The following ARID1A variants were observed in gnomAD, a reference collection of about 807,000 sequenced individuals.
ARID1A encodes the protein AT-rich interaction domain 1A, also known as AT-rich interactive domain-containing protein 1A.
Under a neutral mutation model 212.6 loss-of-function variants are expected in ARID1A, and 20 were observed. The ratio of observed to expected loss-of-function variants is 0.09; its 90% CI spans 0.07 to 0.14. The LOEUF (loss-of-function observed/expected upper bound fraction) is 0.14. ARID1A is among the 10% of genes least tolerant of loss of function. The pLI, the probability that ARID1A is intolerant of heterozygous loss-of-function variation, is 1.00. For missense variants in ARID1A, 2,587 were observed against 3,059.0 expected, an observed-to-expected ratio of 0.85 and a Z score of 3.64; for synonymous variants, 1,376 against 1,222.1, an observed-to-expected ratio of 1.13 and a Z score of -2.63.
chr1:26,731,723 A>C, intron 3 of ARID1A, 119 bp downstream of exon 3: 1 of 1,091,492 alleles, frequency 9.2e-7, no homozygotes, highest in South Asian at 1.5e-5. Context: ...AGACCAATTA[A>C]ACTCTGGGTA....
At chr1:26,702,895 A>C (rs2080344688) in intron 1 of ARID1A, among the ~76,000 whole-genome samples, 1 of 152,160 alleles carries the variant, frequency 6.6e-6, no homozygotes, top group Non-Finnish European at 1.5e-5. Context: ...TGTCAATAGT[A>C]AGGTAAGTAT....
chr1:26,721,373 G>A (rs568405356), intron 1 of ARID1A, among the ~76,000 whole-genome samples: 1 of 152,096 alleles, frequency 6.6e-6, no homozygotes, highest in Non-Finnish European at 1.5e-5. Flanking sequence ...CATCACACCC[G>A]GCTAATATTT....
intron 4 of ARID1A, among the ~76,000 whole-genome samples, chr1:26,748,628 T>C (rs1015701037): frequency 7.0e-6 from 1 of 142,708 alleles, no homozygotes; most frequent in African/African-American, 2.6e-5. Context: ...TTTTTTTTTT[T>C]GTCAGATTTG....
chr1:26,771,278 G>T lies in ARID1A; in HGVS notation c.3358G>T (p.Ala1120Ser), dbSNP rs2081080765. Reference sequence around the variant, plus strand: ...AGACCCTCCCCCAGACATCTTTGCAGCTGCTGATTCCAAGAAGTCCCAGCC... The same window carrying T: ...AGACCCTCCCCCAGACATCTTTGCATCTGCTGATTCCAAGAAGTCCCAGCC... ...GEDPPPDIFAAADSKKSQPKI... is the reference protein window; with the variant it reads ...GEDPPPDIFASADSKKSQPKI... Residue 1120 changes from alanine (A) to serine (S), a missense_variant, in exon 12 of 20, where the codon GCT becomes TCT. By Grantham distance (99) the Ala-to-Ser change is moderately conservative. Coordinates refer to ENST00000324856, the MANE Select transcript of ARID1A (RefSeq NM_006015.6). The surrounding 1 kb of genome is among the most constrained non-coding windows in gnomAD (Gnocchi z 5.4). 1 of 1,614,180 alleles carries T rather than the reference G, an allele frequency of 6.2e-7. No homozygotes were observed. The highest frequency in any genetic ancestry group is 8.5e-7 in the Non-Finnish European group (1 of 1,180,046).
intron 1 of ARID1A, among the ~76,000 whole-genome samples, chr1:26,724,493 A>G (rs190619793): frequency 1.3e-5 from 2 of 152,252 alleles, no homozygotes; most frequent in Non-Finnish European, 2.9e-5. Context: ...TGTGAATGGT[A>G]TATCTCTGCT....
intron 1 of ARID1A, among the ~76,000 whole-genome samples, chr1:26,726,181 T>G (rs908367471): frequency 2.4e-4 from 36 of 148,604 alleles, no homozygotes; most frequent in African/African-American, 3.2e-4. Flanking sequence ...TTTGTTTTTT[T>G]TTTTTTTTTG....
chr1:26,719,489 C>T (rs1368969531), intron 1 of ARID1A, among the ~76,000 whole-genome samples: 1 of 152,164 alleles, frequency 6.6e-6, no homozygotes, highest in Non-Finnish European at 1.5e-5. Flanking sequence ...TGGATTTGCA[C>T]TATAACAGGC....
chr1:26,766,326 C>A lies in ARID1A; in HGVS notation c.2838C>A (p.Pro946=), dbSNP rs2124080169. ...SMAGMINPQG[P]PYSMGGTMAN... ...CTGGCATGATCAACCCTCAGGGACCCCCATATTCCATGGGTGGAACCATGG... is the reference window on the plus strand; with the variant it reads ...CTGGCATGATCAACCCTCAGGGACCACCATATTCCATGGGTGGAACCATGG... Residue 946 remains proline, a synonymous_variant, in exon 9 of 20, where the codon CCC becomes CCA. Transcript: ENST00000324856. 6.2e-7 allele frequency: 1 copy of A among 1,614,174 alleles called. No homozygotes were observed. Among genetic ancestry groups the A allele is most frequent in the Non-Finnish European group, 8.5e-7 (1 of 1,180,038 alleles).
chr1:26,761,617 G>A (rs1032092501), intron 6 of ARID1A, 144 bp downstream of exon 6: 6 of 759,554 alleles, frequency 7.9e-6, no homozygotes, highest in South Asian at 3.7e-5. Context: ...AAAAGTTGAC[G>A]TAATAATTGT....
At chr1:26,772,689 G>C (rs2124105466) in intron 13 of ARID1A, 57 bp downstream of exon 13, 1 of 1,613,138 alleles carries the variant, frequency 6.2e-7, no homozygotes, top group South Asian at 1.1e-5. Flanking sequence ...AAGTGCATGG[G>C]AACTCCTTGC....
chr1:26,705,458 C>CCT (rs1557576623), intron 1 of ARID1A, among the ~76,000 whole-genome samples: 1 of 151,866 alleles, frequency 6.6e-6, no homozygotes, highest in Non-Finnish European at 1.5e-5. Context: ...TTTTCCCCCC[C>CCT]CCTCAAGTAA....
intron 1 of ARID1A, among the ~76,000 whole-genome samples, chr1:26,721,500 C>CCT (rs961420012): frequency 6.6e-5 from 10 of 152,206 alleles, no homozygotes; most frequent in African/African-American, 2.2e-4. Context: ...CCGCGCCTGG[C>CCT]AACCCTTGGT....
intron 1 of ARID1A, among the ~76,000 whole-genome samples, chr1:26,701,246 C>T (rs1273999049): frequency 2.6e-5 from 4 of 152,190 alleles, no homozygotes; most frequent in Non-Finnish European, 5.9e-5. Context: ...ATTCTAGAAG[C>T]AACTGAAGCT....
chr1:26,697,374 G>T lies in ARID1A; in HGVS notation c.971G>T (p.Gly324Val). The change falls in exon 1 of 20, where the codon GGC becomes GTC. Residue 324 changes from glycine to valine, a missense_variant. Gly to Val is a moderately radical substitution (Grantham distance 109). Transcript: ENST00000324856. ...TACAGTGGCGGGCCCCAGGACGGGG[G>T]CGCCGGCAAGGGCCCGGCGGACATG... ...GDYSGGPQDG[G>V]AGKGPADMAS... The T allele has an allele frequency of 1.5e-6, 2 of 1,316,250 alleles. No homozygotes were observed. The highest frequency in any genetic ancestry group is 1.9e-6 in the Non-Finnish European group (2 of 1,039,936). 81.5% of individuals were successfully genotyped at this position (1,316,250 alleles called of 1,614,324 possible).
In ARID1A at chr1:26,775,480, G is replaced by A. The variant is rs938903474; in HGVS notation, c.4994-97G>A. 8.5e-6 allele frequency: 13 copies of A among 1,531,790 alleles called. No individual in the cohort carries two copies. In the South Asian group the frequency reaches 9.8e-5, roughly 12 times the overall value. 94.9% of individuals were successfully genotyped at this position (1,531,790 alleles called of 1,614,324 possible). A position where few individuals can be genotyped will look rare whatever the true frequency, so the allele number is the denominator to read the frequency against. ...CCAGACAGAAACTGCCTTCCACCTT[G>A]TGTTATCTTCAGAGTAGCTTCACTG... On this transcript the variant is annotated intron_variant, in intron 18 of 19. Coordinates refer to ENST00000324856, the MANE Select transcript of ARID1A (RefSeq NM_006015.6).
rs2081052188 is a variant in ARID1A at position 26,767,825 on chromosome 1, C to A, written c.3024C>A (p.Ile1008=). ...CTTCTACTACAACCAATGAGAAGAT[C>A]ACCAAGTTGTATGAGCTGGGTGGTG... ...SSSSTTTNEK[I]TKLYELGGEP... Residue 1008 remains isoleucine (I), a synonymous_variant, in exon 11 of 20, where the codon ATC becomes ATA. Transcript: ENST00000324856. The A allele has an allele frequency of 6.2e-7, 1 of 1,614,070 alleles. No homozygotes were observed. The highest frequency in any genetic ancestry group is 1.1e-5 in the South Asian group (1 of 91,058).
intron 4 of ARID1A, among the ~76,000 whole-genome samples, chr1:26,749,235 G>A (rs577859396): frequency 2.6e-5 from 4 of 152,274 alleles, no homozygotes; most frequent in East Asian, 1.9e-4. Context: ...GGACTGCCCC[G>A]TGTAGCTTTG....
chr1:26,768,944 G>T (rs2081061255), intron 11 of ARID1A, among the ~76,000 whole-genome samples: 1 of 152,210 alleles, frequency 6.6e-6, no homozygotes, highest in African/African-American at 2.4e-5. Context: ...GTCACCAGCA[G>T]AAAAGAAAGT....
Position 26,780,382 on chromosome 1 carries a change from G to C in ARID1A, c.6484G>C (p.Val2162Leu), listed in dbSNP as rs2124149563. 6.2e-7 allele frequency: 1 copy of C among 1,614,244 alleles called. No homozygotes were observed. The highest frequency in any genetic ancestry group is 8.5e-7 in the Non-Finnish European group (1 of 1,180,036). Residue 2162 changes from valine (V) to leucine (L), a missense_variant, in exon 20 of 20, where the codon GTG (valine) becomes CTG (leucine). Physicochemically the swap from Val to Leu is conservative, Grantham distance 32. Coordinates refer to ENST00000324856, the MANE Select transcript of ARID1A (RefSeq NM_006015.6). This position sits in a 1 kb window ranked among gnomAD's most constrained non-coding sequence, Gnocchi z 7.2. ...VRFLSDRKNP[V>L]CREMAVVLLA... ...CTTCCTCAGTGACCGAAAGAACCCG[G>C]TGTGCCGGGAGATGGCTGTGGTACT...
Sources: allele counts gnomAD v4.1 joint callset (sites outside exome capture counted in the v4.1 genomes callset), GRCh38; gene constraint gnomAD v4.1.1; non-coding constraint Gnocchi (gnomAD v3.1); transcripts MANE v1.5; gene names NCBI Gene and HGNC (gene_info 2026-07-23, HGNC 2026-07-21).